Variants in DTNBP1 observed in about 807,000 individuals in gnomAD.
The protein encoded by DTNBP1 is dysbindin.
In DTNBP1, 35 loss-of-function variants were observed where a neutral mutation model predicts 42.8. The ratio of observed to expected loss-of-function variants is 0.82; its 90% CI spans 0.63 to 1.09. The LOEUF is 1.09. Among genes scored for constraint, DTNBP1 ranks in the 50% least tolerant of loss-of-function variants. DTNBP1 has a pLI of 0.00. For missense variants in DTNBP1, 457 were observed against 424.2 expected, an observed-to-expected ratio of 1.08 and a Z score of -0.68; for synonymous variants, 171 against 162.2, an observed-to-expected ratio of 1.05 and a Z score of -0.41.
chr6:15,632,315 CTAAGGTCT>C (rs1379503216), intron 4 of DTNBP1, among the ~76,000 whole-genome samples: 1 of 152,118 alleles, frequency 6.6e-6, no homozygotes, highest in Non-Finnish European at 1.5e-5. Flanking sequence ...CTTTCCCACC[CTAAGGTCT>C]TAAACATATT....
chr6:15,652,636 A>T (rs1422259449), intron 1 of DTNBP1, among the ~76,000 whole-genome samples: 2 of 151,166 alleles, frequency 1.3e-5, no homozygotes, highest in Non-Finnish European at 3.0e-5. Flanking sequence ...TCTGTAGCAA[A>T]TTTTTTTTTA....
At chr6:15,585,330 C>T (rs1227927106) in intron 7 of DTNBP1, among the ~76,000 whole-genome samples, 1 of 150,958 alleles carries the variant, frequency 6.6e-6, no homozygotes, top group Non-Finnish European at 1.5e-5. Flanking sequence ...CCTCATTATT[C>T]AAATAGCTAG....
At chr6:15,547,140 C>CT (rs780271908) in intron 7 of DTNBP1, among the ~76,000 whole-genome samples, 9 of 151,944 alleles carry the variant, frequency 5.9e-5, no homozygotes, top group African/African-American at 1.9e-4. Context: ...AAATCAAAGG[C>CT]TTTTTTTAAA....
chr6:15,638,085 T>A (rs1028885627), intron 3 of DTNBP1, among the ~76,000 whole-genome samples: 1 of 151,948 alleles, frequency 6.6e-6, no homozygotes, highest in African/African-American at 2.4e-5. Context: ...AATAAATCAA[T>A]GAGAGAGAAG....
intron 7 of DTNBP1, among the ~76,000 whole-genome samples, chr6:15,559,726 A>G (rs1288880009): frequency 6.6e-6 from 1 of 152,202 alleles, no homozygotes; most frequent in Non-Finnish European, 1.5e-5. Flanking sequence ...ATTCTTCTCC[A>G]TGACAACGCC....
intron 7 of DTNBP1, among the ~76,000 whole-genome samples, chr6:15,542,487 T>C (rs941149878): frequency 6.6e-6 from 1 of 152,114 alleles, no homozygotes; most frequent in African/African-American, 2.4e-5. Flanking sequence ...TTCTCCTGCC[T>C]CAGCCTCCTG....
At chr6:15,577,626 G>C (rs948965925) in intron 7 of DTNBP1, among the ~76,000 whole-genome samples, 2 of 152,206 alleles carry the variant, frequency 1.3e-5, no homozygotes, top group Non-Finnish European at 2.9e-5. Flanking sequence ...GGCAGGATGA[G>C]ACTCAAGACT....
intron 7 of DTNBP1, among the ~76,000 whole-genome samples, chr6:15,576,003 T>C (rs1775547320): frequency 1.3e-5 from 2 of 152,212 alleles, no homozygotes. Flanking sequence ...ATGACTTTTG[T>C]CTACTATGGT....
At chr6:15,652,209 TCTCA>T (rs1761040769) in intron 1 of DTNBP1, 69 bp from the exon 2 acceptor site, 5 of 1,301,756 alleles carry the variant, frequency 3.8e-6, no homozygotes, top group Non-Finnish European at 5.4e-6. Context: ...TGAGACAGGG[TCTCA>T]CTCTGTCGTC....
In DTNBP1 at chr6:15,627,392, C is replaced by A. The variant is rs760871025; in HGVS notation, c.306G>T (p.Gln102His). ...TSLVELQEQL[Q>H]QLPALIADLE... Reference sequence around the variant, plus strand: ...AGTCTGCGATTAAAGCTGGGAGCTGCTGGAGCTGCTCTTGCAGCTCCACGA... The same window carrying A: ...AGTCTGCGATTAAAGCTGGGAGCTGATGGAGCTGCTCTTGCAGCTCCACGA... The change falls in exon 5 of 10, where the codon CAG (glutamine) becomes CAT (histidine). Residue 102 changes from glutamine to histidine, a missense_variant. Transcript: ENST00000344537. 3 of 1,613,812 alleles carry A rather than the reference C, an allele frequency of 1.9e-6. No homozygotes were observed. In the African/African-American group the frequency reaches 4.0e-5, roughly 22 times the overall value.
intron 7 of DTNBP1, among the ~76,000 whole-genome samples, chr6:15,565,810 A>G (rs1400397813): frequency 6.6e-6 from 1 of 152,250 alleles, no homozygotes; most frequent in Non-Finnish European, 1.5e-5. Context: ...TGGTACACTT[A>G]GAATGGGAAA....
At chr6:15,560,327 C>T (rs1282611644) in intron 7 of DTNBP1, among the ~76,000 whole-genome samples, 1 of 152,032 alleles carries the variant, frequency 6.6e-6, no homozygotes, top group Non-Finnish European at 1.5e-5. Context: ...GTGTTTGAGC[C>T]TAGTTATAAC....
chr6:15,583,209 C>T (rs1488360187), intron 7 of DTNBP1, among the ~76,000 whole-genome samples: 1 of 152,136 alleles, frequency 6.6e-6, no homozygotes, highest in African/African-American at 2.4e-5. Context: ...TGTCAAACTC[C>T]TGGTCTCAAG....
At chr6:15,586,064 G>A in intron 7 of DTNBP1, 5 of 1,129,822 alleles carry the variant, frequency 4.4e-6, no homozygotes, top group Non-Finnish European at 5.4e-6. Context: ...CAAAATGGAG[G>A]GGAGGGAAGG....
intron 7 of DTNBP1, among the ~76,000 whole-genome samples, chr6:15,538,779 G>A (rs9396592): frequency 0.35 from 52,611 of 152,024 alleles, 9,829 homozygotes; most frequent in East Asian, 0.6. Flanking sequence ...CTATTACTCC[G>A]GAAAATCTAG....
At chr6:15,578,622 A>G (rs995279133) in intron 7 of DTNBP1, among the ~76,000 whole-genome samples, 13 of 152,232 alleles carry the variant, frequency 8.5e-5, no homozygotes, top group African/African-American at 3.1e-4. Flanking sequence ...CATGCTGTAA[A>G]TCAAAATAAG....
chr6:15,641,716 C>T (rs1410005907), intron 3 of DTNBP1, among the ~76,000 whole-genome samples: 2 of 152,142 alleles, frequency 1.3e-5, no homozygotes, highest in East Asian at 3.9e-4. Flanking sequence ...AGTCACCACA[C>T]CACCAGATTC....
intron 6 of DTNBP1, chr6:15,614,925 T>C (rs986257310): frequency 2.3e-5 from 9 of 386,030 alleles, no homozygotes; most frequent in African/African-American, 6.3e-5. Flanking sequence ...GCTCTAGTAA[T>C]GGAGGAGAAG....
chr6:15,648,630 A>C (rs886218839), intron 3 of DTNBP1, among the ~76,000 whole-genome samples: 1 of 152,056 alleles, frequency 6.6e-6, no homozygotes, highest in African/African-American at 2.4e-5. Flanking sequence ...GCAATTAAGA[A>C]AACAATTTCA....
Sources: allele counts gnomAD v4.1 joint callset (sites outside exome capture counted in the v4.1 genomes callset), GRCh38; gene constraint gnomAD v4.1.1; transcripts MANE v1.5; gene names NCBI Gene and HGNC (gene_info 2026-07-23, HGNC 2026-07-21).